The following RIPOR1 variants were observed in gnomAD, a reference collection of about 807,000 sequenced individuals.
RIPOR1 encodes the protein rho family-interacting cell polarization regulator 1.
A neutral mutation model predicts 116.5 loss-of-function variants in RIPOR1; 58 were observed. The ratio of observed to expected loss-of-function variants is 0.50; its 90% CI spans 0.40 to 0.62. The LOEUF (loss-of-function observed/expected upper bound fraction) is 0.62. Ranked by LOEUF, RIPOR1 falls within the 20% of genes least tolerant of loss-of-function variation. The pLI is 0.00. For synonymous variants in RIPOR1, 605 were observed against 650.0 expected, an observed-to-expected ratio of 0.93 and a Z score of 1.05; for missense variants, 1,372 against 1,586.2, an observed-to-expected ratio of 0.86 and a Z score of 2.29.
Position 67,545,541 on chromosome 16 carries a change from C to T in RIPOR1, c.3190+7C>T, listed in dbSNP as rs773550633. The stretch of plus-strand genomic sequence containing the variant: ...ACTGAGACCGCTGAGGAGGGTGAGG[C>T]GGTGGCCCTGATCACATAGTGGCCT... On this transcript the variant is annotated splice_region_variant and intron_variant, in intron 18 of 21. Coordinates refer to ENST00000042381, the MANE Select transcript of RIPOR1 (RefSeq NM_024519.4). This position sits in a 1 kb window ranked among gnomAD's most constrained non-coding sequence, Gnocchi z 4.8. The T allele has an allele frequency of 1.9e-6, 3 of 1,613,798 alleles. No individual in the cohort carries two copies. In the East Asian group the frequency reaches 6.7e-5, roughly 36 times the overall value.
At position 67,530,061 on chromosome 16, in the gene RIPOR1, G is replaced by A; in HGVS notation, c.-24+1147G>A. The A allele has an allele frequency of 1.6e-6, 1 of 615,088 alleles. No homozygotes were observed. Among genetic ancestry groups the A allele is most frequent in the Admixed American group, 2.5e-5 (1 of 39,258 alleles). 38.1% of individuals were successfully genotyped at this position (615,088 alleles called of 1,614,324 possible). A position where few individuals can be genotyped will look rare whatever the true frequency, so the allele number is the denominator to read the frequency against. ...CACCGCCCTCTCCGGCTTGGGTCCT[G>A]TGACTGCGGCGGGAGAGAGGAGCAA... On this transcript the variant is annotated intron_variant, in intron 1 of 21. Transcript: ENST00000042381. This position sits in a 1 kb window ranked among gnomAD's most constrained non-coding sequence, Gnocchi z 4.5.
Position 67,538,460 on chromosome 16 carries a change from C to T in RIPOR1, c.14C>T (p.Ser5Leu). 1.2e-6 allele frequency: 2 copies of T among 1,607,956 alleles called. No individual in the cohort carries two copies. Among genetic ancestry groups the T allele is most frequent in the South Asian group, 1.1e-5 (1 of 90,396 alleles). ...CGGACTCACTCTATGATGTCCCTGT[C>T]GGTGCGGCCGCAGCGCCGTCTGCTC... is the stretch of plus-strand genomic sequence containing the variant. MMSL[S>L]VRPQRRLLSA... Residue 5 changes from serine to leucine, a missense_variant, in exon 2 of 22, where the codon TCG becomes TTG. By Grantham distance (145) the Ser-to-Leu change is moderately radical. This residue lies in a region of RIPOR1 where 165 missense variants were observed against 145.5 expected (regional missense o/e 1.13). Transcript: ENST00000042381.
chr16:67,535,049 G>T (rs1187370066), intron 1 of RIPOR1, among the ~76,000 whole-genome samples: 1 of 151,890 alleles, frequency 6.6e-6, no homozygotes, highest in Non-Finnish European at 1.5e-5. Context: ...CACCATGTTG[G>T]CCAAGCTGGT....
upstream of RIPOR1, chr16:67,528,751 A>C (rs1597615750): frequency 8.9e-6 from 1 of 112,584 alleles, no homozygotes; most frequent in South Asian, 3.0e-4. Context: ...GAGCCGCGGG[A>C]GCGCAGGGGG....
At chr16:67,524,309 G>C (rs1197257935), upstream of RIPOR1, among the ~76,000 whole-genome samples, 1 of 152,178 alleles carries the variant, frequency 6.6e-6, no homozygotes, top group Non-Finnish European at 1.5e-5. Context: ...GCTGGGGCTG[G>C]AGGGGTGTGG....
Position 67,540,381 on chromosome 16 carries a change from C to T in RIPOR1, c.631+18C>T, listed in dbSNP as rs371160500. ...AATGAAAGGTACTGAGTTGTGGGGG[C>T]AGGTGGGGGGCTGGAGGGAGTATGC... On this transcript the variant is annotated intron_variant, in intron 8 of 21. Coordinates refer to ENST00000042381, the MANE Select transcript of RIPOR1 (RefSeq NM_024519.4). The surrounding 1 kb of genome is among the most constrained non-coding windows in gnomAD (Gnocchi z 4.7). 9.9e-6 allele frequency: 16 copies of T among 1,613,894 alleles called. No individual in the cohort carries two copies. The highest frequency in any genetic ancestry group is 1.3e-5 in the African/African-American group (1 of 74,864).
Position 67,538,320 on chromosome 16 carries a change from T to C in RIPOR1, c.-23-104T>C, listed in dbSNP as rs2050861132. The C allele has an allele frequency of 2.1e-6, 3 of 1,423,412 alleles. No individual in the cohort carries two copies. In the Admixed American group the frequency reaches 7.3e-5, roughly 35 times the overall value. 88.2% of individuals were successfully genotyped at this position (1,423,412 alleles called of 1,614,324 possible). On this transcript the variant is annotated intron_variant, in intron 1 of 21. Coordinates refer to ENST00000042381, the MANE Select transcript of RIPOR1 (RefSeq NM_024519.4). Reference sequence around the variant, plus strand: ...CCCGGCCGGAGCCCGCTGGGGCAGCTGTGCCTAGCGACAGGAAAGACCTGC... The same window carrying C: ...CCCGGCCGGAGCCCGCTGGGGCAGCCGTGCCTAGCGACAGGAAAGACCTGC...
In RIPOR1 at chr16:67,530,169, C is replaced by T. The variant is rs1197237921; in HGVS notation, c.-24+1255C>T. On this transcript the variant is annotated intron_variant, in intron 1 of 21. Transcript: ENST00000042381. This position sits in a 1 kb window ranked among gnomAD's most constrained non-coding sequence, Gnocchi z 4.5. Reference sequence around the variant, plus strand: ...TGGGCTGGGTCCCGCTTGAGAGAAGCGGGCGGGGAGGGCGCGGGTGAGTCA... The same window carrying T: ...TGGGCTGGGTCCCGCTTGAGAGAAGTGGGCGGGGAGGGCGCGGGTGAGTCA... The T allele has an allele frequency of 2.6e-6, 1 of 381,852 alleles. No homozygotes were observed. The allele number at this position is 381,852 out of a possible 1,614,324, so 23.7% of individuals were successfully genotyped here.
chr16:67,543,756 G>A lies in RIPOR1; in HGVS notation c.2600+287G>A, dbSNP rs1262876614. 1.7e-5 allele frequency: 8 copies of A among 483,316 alleles called. No homozygotes were observed. The highest frequency in any genetic ancestry group is 1.0e-4 in the Admixed American group (3 of 29,806). 29.9% of individuals were successfully genotyped at this position (483,316 alleles called of 1,614,324 possible). On this transcript the variant is annotated intron_variant, in intron 14 of 21. Coordinates refer to ENST00000042381, the MANE Select transcript of RIPOR1 (RefSeq NM_024519.4). The surrounding 1 kb of genome is among the most constrained non-coding windows in gnomAD (Gnocchi z 4.7). ...CCCCTGCCGGTCCCCATCAGCTTGG[G>A]TGCCTCCAGCCCCTCCTCTTCCCCT...
upstream of RIPOR1, chr16:67,528,797 G>C (rs1417958174): frequency 6.6e-6 from 1 of 152,406 alleles, no homozygotes; most frequent in Admixed American, 6.6e-5. Flanking sequence ...GCGGCGGGGC[G>C]GCGGGCGGAG....
Position 67,537,757 on chromosome 16 carries a change from G to A in RIPOR1, c.-23-667G>A, listed in dbSNP as rs1207065845. Among the ~76,000 whole-genome samples the A allele has an allele frequency of 6.6e-6, 1 of 152,092 alleles. No homozygotes were observed. Among genetic ancestry groups the A allele is most frequent in the Admixed American group, 6.5e-5 (1 of 15,284 alleles). On this transcript the variant is annotated intron_variant, in intron 1 of 21. Transcript: ENST00000042381. The surrounding 1 kb of genome is among the most constrained non-coding windows in gnomAD (Gnocchi z 4.6). ...GGTGGAGGCGCACGTCCGTGACTCA[G>A]TTTCCAGGTGGGAGCCTCAGGAAAG... is the stretch of plus-strand genomic sequence containing the variant.
At chr16:67,525,483 T>C (rs2050532544), upstream of RIPOR1, among the ~76,000 whole-genome samples, 1 of 151,356 alleles carries the variant, frequency 6.6e-6, no homozygotes, top group South Asian at 2.1e-4. Flanking sequence ...GGGTGGGGGT[T>C]GCATGGCAGA....
intron 1 of RIPOR1, among the ~76,000 whole-genome samples, chr16:67,534,655 G>T (rs972320232): frequency 6.6e-6 from 1 of 151,998 alleles, no homozygotes; most frequent in East Asian, 1.9e-4. Context: ...TATCACCATA[G>T]ATTAGTTTTG....
At chr16:67,527,419 C>A (rs1308750033), upstream of RIPOR1, among the ~76,000 whole-genome samples, 1 of 151,750 alleles carries the variant, frequency 6.6e-6, no homozygotes, top group Admixed American at 6.6e-5. Flanking sequence ...AAGAAAAGGG[C>A]ACTACAAAGG....
Position 67,538,826 on chromosome 16 carries a change from T to C in RIPOR1, c.257+2T>C. 6.2e-7 allele frequency: 1 copy of C among 1,612,648 alleles called. No individual in the cohort carries two copies. The highest frequency in any genetic ancestry group is 1.1e-5 in the South Asian group (1 of 91,036). ...CACGGCGCTGAAGCGGGGCCTGACGTGAGCAGCTCCTCTGTTCCCAGCCCT... is the reference window on the plus strand; with the variant it reads ...CACGGCGCTGAAGCGGGGCCTGACGCGAGCAGCTCCTCTGTTCCCAGCCCT... On this transcript the variant is annotated splice_donor_variant, in intron 3 of 21. Coordinates refer to ENST00000042381, the MANE Select transcript of RIPOR1 (RefSeq NM_024519.4). LOFTEE classifies it high-confidence loss of function.
chr16:67,540,036 C>T lies in RIPOR1; in HGVS notation c.415-17C>T. 6.2e-7 allele frequency: 1 copy of T among 1,614,058 alleles called. No individual in the cohort carries two copies. Among genetic ancestry groups the T allele is most frequent in the Non-Finnish European group, 8.5e-7 (1 of 1,179,986 alleles). On this transcript the variant is annotated splice_polypyrimidine_tract_variant and intron_variant, in intron 6 of 21. Coordinates refer to ENST00000042381, the MANE Select transcript of RIPOR1 (RefSeq NM_024519.4). This position sits in a 1 kb window ranked among gnomAD's most constrained non-coding sequence, Gnocchi z 4.7. ...TGAGTCTCAGTCCCCCTACTGTCAC[C>T]CCACTCACCTTCCCAGATCGATGAG... is the stretch of plus-strand genomic sequence containing the variant.
intron 1 of RIPOR1, 95 bp from the exon 2 acceptor site, chr16:67,538,329 C>G: frequency 1.4e-6 from 2 of 1,455,042 alleles, no homozygotes; most frequent in Non-Finnish European, 1.8e-6. Context: ...CTGTGCCTAG[C>G]GACAGGAAAG....
Position 67,545,542 on chromosome 16 carries a change from GGTGGCCCTGATCACATA to G in RIPOR1, c.3190+15_3190+31del. The G allele has an allele frequency of 6.2e-7, 1 of 1,613,806 alleles. No individual in the cohort carries two copies. The highest frequency in any genetic ancestry group is 8.5e-7 in the Non-Finnish European group (1 of 1,179,882). ...CTGAGACCGCTGAGGAGGGTGAGGC[GGTGGCCCTGATCACATA>G]GTGGCCTCTTGGGGTCTGAGGACAT... On this transcript the variant is annotated intron_variant, in intron 18 of 21. Transcript: ENST00000042381. This position sits in a 1 kb window ranked among gnomAD's most constrained non-coding sequence, Gnocchi z 4.8.
At position 67,546,475 on chromosome 16, in the gene RIPOR1, ATGGGTTCC is replaced by A; in HGVS notation, c.*16_*23del. ...GCACAGCATTCTAAACTATTCACCC[ATGGGTTCC>A]TGGTGCCCCTTTCCCCCCACTTTCA... On this transcript the variant is annotated 3_prime_UTR_variant, in exon 22 of 22. Transcript: ENST00000042381. 6.2e-7 allele frequency: 1 copy of A among 1,608,158 alleles called. No homozygotes were observed. Among genetic ancestry groups the A allele is most frequent in the South Asian group, 1.1e-5 (1 of 90,974 alleles).
Sources: gnomAD v4.1 joint callset for allele counts (sites outside exome capture counted in the v4.1 genomes callset) on GRCh38, gnomAD v4.1.1 for gene constraint, gnomAD v4.1.1 regional missense constraint, Gnocchi (gnomAD v3.1) non-coding constraint, MANE v1.5 for transcripts, NCBI Gene and HGNC (gene_info 2026-07-23, HGNC 2026-07-21) for gene names.